The following EEFSEC variants were observed in gnomAD, a reference collection of about 807,000 sequenced individuals.
The protein encoded by EEFSEC is selenocysteine-specific elongation factor.
EEFSEC carries 43 observed loss-of-function variants against 42.1 expected under a neutral mutation model. That is an observed-to-expected ratio of 1.02 (90% CI 0.80 to 1.32). EEFSEC has a LOEUF of 1.32. EEFSEC is among the 40% of genes most tolerant of loss of function. The pLI is 0.00. For synonymous variants in EEFSEC, 354 were observed against 339.1 expected, an observed-to-expected ratio of 1.04 and a Z score of -0.48; for missense variants, 745 against 803.6, an observed-to-expected ratio of 0.93 and a Z score of 0.88.
At chr3:128,375,067 A>G (rs542675323) in intron 6 of EEFSEC, among the ~76,000 whole-genome samples, 119 of 152,354 alleles carry the variant, frequency 7.8e-4, no homozygotes, top group African/African-American at 2.7e-3. Flanking sequence ...GAAATACTCT[A>G]AACTGCAGTT....
chr3:128,376,716 G>A (rs1026490456), intron 6 of EEFSEC, among the ~76,000 whole-genome samples: 35 of 152,142 alleles, frequency 2.3e-4, no homozygotes, highest in African/African-American at 8.4e-4. Context: ...GTGGAAAGAT[G>A]ATCCTTCTGG....
chr3:128,247,189 G>T, intron 2 of EEFSEC, 146 bp downstream of exon 2: 1 of 838,368 alleles, frequency 1.2e-6, no homozygotes. Context: ...GCTCACATAA[G>T]GGCTGCATTA....
chr3:128,390,322 G>T (rs979727501), intron 6 of EEFSEC, among the ~76,000 whole-genome samples: 3 of 152,212 alleles, frequency 2.0e-5, no homozygotes, highest in Non-Finnish European at 4.4e-5. Context: ...GCTGGGGAGA[G>T]CTGGCTGTGA....
At chr3:128,180,575 T>C (rs936084919) in intron 1 of EEFSEC, among the ~76,000 whole-genome samples, 1 of 152,212 alleles carries the variant, frequency 6.6e-6, no homozygotes, top group East Asian at 1.9e-4. Flanking sequence ...GTGAGGATGG[T>C]GTGGAACAAC....
intron 4 of EEFSEC, among the ~76,000 whole-genome samples, chr3:128,318,927 G>T (rs2066977891): frequency 2.0e-5 from 3 of 152,334 alleles, no homozygotes; most frequent in South Asian, 2.1e-4. Context: ...TTACCCCATT[G>T]TACCATGAAG....
intron 4 of EEFSEC, among the ~76,000 whole-genome samples, chr3:128,327,517 G>A (rs919046266): frequency 9.9e-5 from 15 of 152,232 alleles, no homozygotes; most frequent in Non-Finnish European, 1.3e-4. Flanking sequence ...ACATCCCAAG[G>A]CCAGCACATG....
At chr3:128,196,361 T>A (rs979300267) in intron 1 of EEFSEC, among the ~76,000 whole-genome samples, 4 of 152,202 alleles carry the variant, frequency 2.6e-5, no homozygotes, top group Admixed American at 2.0e-4. Context: ...AAAAGTGAGT[T>A]GTTGTGCGTA....
chr3:128,166,796 C>T (rs1375180730), intron 1 of EEFSEC, among the ~76,000 whole-genome samples: 2 of 152,052 alleles, frequency 1.3e-5, no homozygotes, highest in African/African-American at 4.8e-5. Flanking sequence ...CTCCTGCTTG[C>T]TCTCTGTCTT....
intron 1 of EEFSEC, among the ~76,000 whole-genome samples, chr3:128,222,315 G>T (rs980245385): frequency 1.3e-5 from 2 of 152,194 alleles, no homozygotes; most frequent in Non-Finnish European, 2.9e-5. Context: ...TTACAGATGT[G>T]AGCCACTGCG....
chr3:128,304,594 A>G (rs763562980), intron 4 of EEFSEC, among the ~76,000 whole-genome samples: 1 of 152,074 alleles, frequency 6.6e-6, no homozygotes, highest in Non-Finnish European at 1.5e-5. Flanking sequence ...GACAATTTCC[A>G]TTCTTCCTTT....
the EEFSEC span, among the ~76,000 whole-genome samples, chr3:128,425,070 C>G: frequency 2.0e-5 from 3 of 152,154 alleles, no homozygotes; most frequent in Non-Finnish European, 2.9e-5. Context: ...AAAAATCACC[C>G]CTTTAAACAT....
chr3:128,316,135 T>C (rs1047035686), intron 4 of EEFSEC, among the ~76,000 whole-genome samples: 1 of 152,232 alleles, frequency 6.6e-6, no homozygotes, highest in Non-Finnish European at 1.5e-5. Flanking sequence ...GTGGATTTAT[T>C]TTTCAAAGAG....
At chr3:128,293,630 C>T (rs2066668065) in intron 4 of EEFSEC, among the ~76,000 whole-genome samples, 1 of 131,828 alleles carries the variant, frequency 7.6e-6, no homozygotes, top group Non-Finnish European at 1.5e-5. Flanking sequence ...CACTGCACTC[C>T]AGCCTGGGCG....
intron 1 of EEFSEC, among the ~76,000 whole-genome samples, chr3:128,228,665 G>A (rs142529599): frequency 3.3e-5 from 5 of 152,126 alleles, no homozygotes; most frequent in East Asian, 1.9e-4. Context: ...TACCAGGTCC[G>A]CGGCCTGAGT....
At chr3:128,218,467 G>C (rs1164170548) in intron 1 of EEFSEC, among the ~76,000 whole-genome samples, 1 of 152,210 alleles carries the variant, frequency 6.6e-6, no homozygotes, top group African/African-American at 2.4e-5. Flanking sequence ...AGCTTTCTGG[G>C]CCAAGCGCAG....
chr3:128,226,031 A>G (rs1269759936), intron 1 of EEFSEC, among the ~76,000 whole-genome samples: 1 of 152,190 alleles, frequency 6.6e-6, no homozygotes, highest in African/African-American at 2.4e-5. Context: ...TATGCCGGAG[A>G]ACAGAGCCCC....
At chr3:128,252,188 C>G (rs1253623861) in intron 2 of EEFSEC, among the ~76,000 whole-genome samples, 2 of 152,168 alleles carry the variant, frequency 1.3e-5, no homozygotes, top group African/African-American at 4.8e-5. Context: ...TGGAGCCCAC[C>G]AGGGACTCCA....
chr3:128,274,763 A>G (rs2999062), intron 4 of EEFSEC, among the ~76,000 whole-genome samples: 127,355 of 152,272 alleles, frequency 0.84, 53,798 homozygotes, highest in East Asian at 0.99. Context: ...AGGAACACAG[A>G]GTCTTGGGTC....
chr3:128,413,777 G>A, the EEFSEC span, among the ~76,000 whole-genome samples: 7 of 152,304 alleles, frequency 4.6e-5, no homozygotes, highest in East Asian at 5.8e-4. Context: ...CCATAGACTC[G>A]GCCCCGAGCC....
Sources: gnomAD v4.1 joint callset for allele counts (sites outside exome capture counted in the v4.1 genomes callset) on GRCh38, gnomAD v4.1.1 for gene constraint, MANE v1.5 for transcripts, NCBI Gene and HGNC (gene_info 2026-07-23, HGNC 2026-07-21) for gene names.